Variants in STAG1 observed in about 807,000 individuals in gnomAD.
The protein encoded by STAG1 is STAG1 cohesin complex component.
STAG1 carries 26 observed loss-of-function variants against 170.9 expected under a neutral mutation model. The ratio of observed to expected loss-of-function variants is 0.15; its 90% CI spans 0.11 to 0.21. The LOEUF is 0.21. STAG1 is among the 10% of genes least tolerant of loss of function. The pLI is 1.00. For missense variants in STAG1, 964 were observed against 1,509.5 expected, an observed-to-expected ratio of 0.64 and a Z score of 5.99; for synonymous variants, 514 against 497.7, an observed-to-expected ratio of 1.03 and a Z score of -0.44.
chr3:136,610,391 G>A (rs1939212331), intron 3 of STAG1, among the ~76,000 whole-genome samples: 1 of 152,108 alleles, frequency 6.6e-6, no homozygotes, highest in Non-Finnish European at 1.5e-5. Context: ...CTTGATCATG[G>A]CTCTCCCTGT....
intron 21 of STAG1, among the ~76,000 whole-genome samples, chr3:136,410,998 T>C (rs960966483): frequency 3.3e-5 from 5 of 152,238 alleles, no homozygotes; most frequent in Admixed American, 6.5e-5. Context: ...GAGGTTGCAG[T>C]GAGCTGAGAT....
chr3:136,459,035 T>C (rs1441413714), intron 13 of STAG1, among the ~76,000 whole-genome samples: 1 of 151,936 alleles, frequency 6.6e-6, no homozygotes, highest in Non-Finnish European at 1.5e-5. Context: ...CTGGCCAACA[T>C]GGTGAAACCC....
intron 10 of STAG1, among the ~76,000 whole-genome samples, chr3:136,476,208 C>T (rs777120726): frequency 1.4e-4 from 22 of 152,156 alleles, no homozygotes; most frequent in Non-Finnish European, 2.4e-4. Flanking sequence ...TAGGACAATG[C>T]TAGTAGCCCT....
chr3:136,629,903 A>C (rs1477982354), intron 2 of STAG1, among the ~76,000 whole-genome samples: 2 of 152,130 alleles, frequency 1.3e-5, no homozygotes, highest in Non-Finnish European at 2.9e-5. Flanking sequence ...ATAAGTCCCA[A>C]TTCTAAATCT....
chr3:136,528,337 C>A (rs1935176645), intron 6 of STAG1, among the ~76,000 whole-genome samples: 2 of 152,128 alleles, frequency 1.3e-5, no homozygotes, highest in Admixed American at 6.5e-5. Flanking sequence ...TACTGCTGTG[C>A]TAGCAGTGAG....
intron 2 of STAG1, among the ~76,000 whole-genome samples, chr3:136,629,837 T>C (rs1227830404): frequency 1.3e-5 from 2 of 152,198 alleles, no homozygotes; most frequent in Admixed American, 6.5e-5. Context: ...ACTTGCATCA[T>C]GATAAAAGCT....
At chr3:136,611,070 G>T (rs993779448) in intron 3 of STAG1, among the ~76,000 whole-genome samples, 7 of 152,058 alleles carry the variant, frequency 4.6e-5, no homozygotes, top group Non-Finnish European at 1.0e-4. Context: ...AAACATCTTG[G>T]GGATGGAACT....
chr3:136,565,327 A>C (rs573421581), intron 5 of STAG1, among the ~76,000 whole-genome samples: 4 of 152,324 alleles, frequency 2.6e-5, no homozygotes, highest in African/African-American at 9.6e-5. Context: ...ACAACTCATC[A>C]ACAAAAAGAC....
chr3:136,600,562 C>T (rs1376724538), intron 4 of STAG1, among the ~76,000 whole-genome samples: 1 of 152,186 alleles, frequency 6.6e-6, no homozygotes, highest in Non-Finnish European at 1.5e-5. Flanking sequence ...GACGGAGTCT[C>T]GCTCTGTCAC....
At chr3:136,528,890 A>G (rs1434040801) in intron 6 of STAG1, among the ~76,000 whole-genome samples, 1 of 152,040 alleles carries the variant, frequency 6.6e-6, no homozygotes, top group African/African-American at 2.4e-5. Context: ...AGATCATGCC[A>G]CTGCACTCCA....
intron 1 of STAG1, among the ~76,000 whole-genome samples, chr3:136,739,123 G>C (rs1934512945): frequency 6.6e-6 from 1 of 152,144 alleles, no homozygotes; most frequent in African/African-American, 2.4e-5. Flanking sequence ...GAGAAAAATG[G>C]CCTTTTAAGA....
intron 1 of STAG1, among the ~76,000 whole-genome samples, chr3:136,695,747 A>C (rs1942867086): frequency 6.6e-6 from 1 of 152,124 alleles, no homozygotes; most frequent in Admixed American, 6.6e-5. Context: ...TTAAATCCAA[A>C]ATAAAACTGG....
intron 14 of STAG1, among the ~76,000 whole-genome samples, chr3:136,443,942 T>C (rs1576470863): frequency 6.6e-6 from 1 of 152,194 alleles, no homozygotes; most frequent in Non-Finnish European, 1.5e-5. Context: ...CCCCATTTTC[T>C]GTTGGTCATT....
intron 3 of STAG1, among the ~76,000 whole-genome samples, chr3:136,617,812 G>A (rs572625122): frequency 6.7e-4 from 101 of 151,784 alleles, no homozygotes; most frequent in Admixed American, 5.9e-4. Context: ...CAAGAGGGTG[G>A]GCAAATAAAA....
At chr3:136,426,920 A>T (rs748374273) in intron 16 of STAG1, among the ~76,000 whole-genome samples, 8 of 152,076 alleles carry the variant, frequency 5.3e-5, no homozygotes, top group Non-Finnish European at 1.0e-4. Flanking sequence ...TACAAAAATT[A>T]GCCAGGTGTG....
intron 1 of STAG1, among the ~76,000 whole-genome samples, chr3:136,647,794 G>T (rs1273624489): frequency 6.6e-6 from 1 of 152,106 alleles, no homozygotes; most frequent in African/African-American, 2.4e-5. Context: ...AAGAAAGGCA[G>T]TTTATATTCA....
At chr3:136,537,782 C>T (rs1343695281) in intron 6 of STAG1, among the ~76,000 whole-genome samples, 1 of 152,118 alleles carries the variant, frequency 6.6e-6, no homozygotes, top group Non-Finnish European at 1.5e-5. Flanking sequence ...AGGTACGAGT[C>T]ACTGCGCCTG....
chr3:136,541,584 A>ACACACACACACACACACACACACC lies in STAG1; in HGVS notation c.471+534_471+535insGGTGTGTGTGTGTGTGTGTGTGTG, dbSNP rs1491081484. On this transcript the variant is annotated intron_variant, in intron 6 of 33. Transcript: ENST00000383202. ...CACACACACACACACACACACACAC[A>ACACACACACACACACACACACACC]CCAGGGGTTTGGGAGAATTTCCACG... Among the ~76,000 whole-genome samples the ACACACACACACACACACACACACC allele has an allele frequency of 4.0e-5, 6 of 148,980 alleles. 1 individual carries two copies. The South Asian group carries it at 1.1e-3, about 27-fold the overall frequency.
chr3:136,708,026 G>A (rs1208575213), intron 1 of STAG1, among the ~76,000 whole-genome samples: 1 of 152,058 alleles, frequency 6.6e-6, no homozygotes, highest in Non-Finnish European at 1.5e-5. Context: ...GAAGGAATAG[G>A]AACTCTCATA....
Sources: gnomAD v4.1 joint callset for allele counts (sites outside exome capture counted in the v4.1 genomes callset) on GRCh38, gnomAD v4.1.1 for gene constraint, MANE v1.5 for transcripts, NCBI Gene and HGNC (gene_info 2026-07-23, HGNC 2026-07-21) for gene names.